Variants in C12orf76 observed in about 807,000 individuals in gnomAD.
C12orf76 encodes uncharacterized protein C12orf76.
In C12orf76, 6 loss-of-function variants were observed where a neutral mutation model predicts 6.8. The ratio of observed to expected loss-of-function variants is 0.88; its 90% CI spans 0.48 to 1.73. The LOEUF is 1.73. C12orf76 is among the 40% of genes most tolerant of loss of function. The pLI, the probability that C12orf76 is intolerant of heterozygous loss-of-function variation, is 0.01. For missense variants in C12orf76, 99 were observed against 98.2 expected, an observed-to-expected ratio of 1.01 and a Z score of -0.03; for synonymous variants, 56 against 43.7, an observed-to-expected ratio of 1.28 and a Z score of -1.11.
intron 2 of C12orf76, among the ~76,000 whole-genome samples, chr12:110,060,374 C>T (rs1892750036): frequency 6.6e-6 from 1 of 152,202 alleles, no homozygotes; most frequent in South Asian, 2.1e-4. Flanking sequence ...GCTCCCACCC[C>T]CATCCCTTCT....
chr12:110,051,128 C>G (rs1298149886), upstream of C12orf76: 1 of 780,556 alleles, frequency 1.3e-6, no homozygotes, highest in Non-Finnish European at 2.4e-6. Context: ...ATGACAGGCT[C>G]TTTCCACTGG....
upstream of C12orf76, among the ~76,000 whole-genome samples, chr12:110,071,372 T>C (rs1160885839): frequency 6.6e-6 from 1 of 152,126 alleles, no homozygotes; most frequent in Admixed American, 6.5e-5. Flanking sequence ...AAGGAGAGGA[T>C]GTATATAAAA....
At chr12:110,048,292 C>G (rs1014386652) in intron 1 of C12orf76, 71 bp downstream of exon 1, 3 of 1,430,870 alleles carry the variant, frequency 2.1e-6, no homozygotes, top group Non-Finnish European at 9.1e-7. Context: ...TCCGTACATG[C>G]CCGGCTCCAG....
At chr12:110,055,209 C>T (rs958966543) in intron 4 of C12orf76, among the ~76,000 whole-genome samples, 5 of 148,856 alleles carry the variant, frequency 3.4e-5, no homozygotes, top group South Asian at 2.1e-4. Flanking sequence ...ATATATGAGA[C>T]GAAGCTTTTT....
upstream of C12orf76, among the ~76,000 whole-genome samples, chr12:110,069,616 A>T (rs772228521): frequency 6.6e-6 from 1 of 152,186 alleles, no homozygotes; most frequent in African/African-American, 2.4e-5. Flanking sequence ...AGGTGAAGGA[A>T]TTGGCTTATT....
At chr12:110,048,307 C>T in intron 1 of C12orf76, 56 bp downstream of exon 1, 2 of 1,444,516 alleles carry the variant, frequency 1.4e-6, no homozygotes, top group South Asian at 1.4e-5. Flanking sequence ...CTCCAGCACC[C>T]GGAGCAGTGA....
chr12:110,067,718 A>G (rs556446247), upstream of C12orf76: 231 of 251,574 alleles, frequency 9.2e-4, no homozygotes, highest in South Asian at 2.5e-3. Context: ...AGGAACCAGC[A>G]CATGACCCAG....
chr12:110,057,697 T>C (rs1892693690), intron 3 of C12orf76, among the ~76,000 whole-genome samples: 1 of 152,130 alleles, frequency 6.6e-6, no homozygotes, highest in African/African-American at 2.4e-5. Flanking sequence ...TGTATTCCTT[T>C]CCACTTTTGG....
At chr12:110,063,165 C>G (rs1286044741) in intron 2 of C12orf76, among the ~76,000 whole-genome samples, 3 of 151,966 alleles carry the variant, frequency 2.0e-5, no homozygotes, top group Non-Finnish European at 4.4e-5. Flanking sequence ...GTCTTGAACT[C>G]CTGACCTCAA....
At chr12:110,056,415 G>T (rs1341538358) in intron 4 of C12orf76, among the ~76,000 whole-genome samples, 1 of 152,028 alleles carries the variant, frequency 6.6e-6, no homozygotes, top group Admixed American at 6.6e-5. Flanking sequence ...AGCTAACAGG[G>T]GTGTGAAGAA....
intron 1 of C12orf76, among the ~76,000 whole-genome samples, chr12:110,073,057 G>A (rs1032395752): frequency 5.9e-5 from 9 of 152,128 alleles, no homozygotes; most frequent in Non-Finnish European, 8.8e-5. Flanking sequence ...TCCCAAGCAC[G>A]GTGACTCAAA....
chr12:110,044,027 A>AAAAT (rs2137213223), intron 1 of C12orf76: 1 of 129,810 alleles, frequency 7.7e-6, no homozygotes, highest in African/African-American at 4.0e-5. Context: ...CAAAAAAAAA[A>AAAAT]AAATAAAGAA....
In C12orf76 at chr12:110,046,254, C is replaced by T. The variant is rs568368409; in HGVS notation, c.133+2109G>A. Among the ~76,000 whole-genome samples, 3 of 152,164 alleles carry T rather than the reference C, an allele frequency of 2.0e-5. No individual in the cohort carries two copies. The South Asian group carries it at 6.2e-4, about 32-fold the overall frequency. On this transcript the variant is annotated intron_variant, in intron 1 of 1. Coordinates refer to ENST00000615315, the MANE Select transcript of C12orf76 (RefSeq NM_001389625.1). ...CATCCTGGCCAACATGGTGAAACCC[C>T]ATCTCTACTAAAAATACAAAAATTA...
At chr12:110,060,396 C>T (rs1196770604) in intron 2 of C12orf76, among the ~76,000 whole-genome samples, 4 of 152,152 alleles carry the variant, frequency 2.6e-5, no homozygotes, top group Non-Finnish European at 5.9e-5. Context: ...TAAAGCCTCT[C>T]TTGCCAAGTA....
chr12:110,067,581 C>T (rs1892887064), exon 1 of C12orf76: 1 of 985,496 alleles, frequency 1.0e-6, no homozygotes, highest in African/African-American at 1.7e-5. Flanking sequence ...GCTCACACTG[C>T]TCCGTCATCT....
chr12:110,068,298 G>C (rs1294505759), upstream of C12orf76, among the ~76,000 whole-genome samples: 2 of 146,312 alleles, frequency 1.4e-5, no homozygotes, highest in Non-Finnish European at 3.1e-5. Context: ...AGAAGAAGAA[G>C]AAGAAGAAGA....
At chr12:110,062,616 AAAAG>A (rs1892788962) in intron 2 of C12orf76, among the ~76,000 whole-genome samples, 1 of 148,106 alleles carries the variant, frequency 6.8e-6, no homozygotes, top group African/African-American at 2.5e-5. Context: ...AATATAGAAA[AAAAG>A]AGATTTTTTT....
chr12:110,051,519 T>C (rs1188490030), upstream of C12orf76, among the ~76,000 whole-genome samples: 2 of 150,540 alleles, frequency 1.3e-5, no homozygotes, highest in African/African-American at 4.9e-5. Flanking sequence ...CTCCGCCCCC[T>C]AGGTTGAAGC....
At chr12:110,057,683 C>T (rs1892693487) in intron 3 of C12orf76, among the ~76,000 whole-genome samples, 1 of 152,156 alleles carries the variant, frequency 6.6e-6, no homozygotes, top group Non-Finnish European at 1.5e-5. Context: ...TTCAACAACA[C>T]TAATGTATTC....
Sources: allele counts gnomAD v4.1 joint callset (sites outside exome capture counted in the v4.1 genomes callset), GRCh38; gene constraint gnomAD v4.1.1; transcripts MANE v1.5; gene names NCBI Gene and HGNC (gene_info 2026-07-23, HGNC 2026-07-21).